RNF135: variants seen among roughly 807,000 people sequenced by gnomAD.
The protein encoded by RNF135 is E3 ubiquitin-protein ligase RNF135.
In RNF135, 46 loss-of-function variants were observed where a neutral mutation model predicts 41.9. The observed-to-expected ratio is 1.10, with a 90% CI of 0.87 to 1.40. RNF135 has a LOEUF of 1.40. RNF135 is among the 40% of genes most tolerant of loss of function. The pLI, the probability that RNF135 is intolerant of heterozygous loss-of-function variation, is 0.00. For synonymous variants in RNF135, 238 were observed against 223.8 expected (o/e 1.06, Z -0.57); for missense variants, 539 against 549.8 (o/e 0.98, Z 0.20).
chr17:30,970,920 G>C, upstream of RNF135: 1 of 1,077,626 alleles, frequency 9.3e-7, no homozygotes, highest in South Asian at 1.5e-5. Flanking sequence ...TTTTCAGCAG[G>C]ATCGGAGGAA....
chr17:30,961,318 CCATT>C, the RNF135 span, among the ~76,000 whole-genome samples: 1 of 152,128 alleles, frequency 6.6e-6, no homozygotes, highest in Non-Finnish European at 1.5e-5. Flanking sequence ...ATCATGCTGA[CCATT>C]CAGTCAACAC....
At chr17:30,992,532 C>T (rs1953316814) in intron 3 of RNF135, among the ~76,000 whole-genome samples, 1 of 152,108 alleles carries the variant, frequency 6.6e-6, no homozygotes, top group Non-Finnish European at 1.5e-5. Flanking sequence ...GTGGTGCGAT[C>T]ATGGCTCACC....
chr17:30,968,375 T>C (rs1406664798), upstream of RNF135, among the ~76,000 whole-genome samples: 6 of 150,708 alleles, frequency 4.0e-5, no homozygotes, highest in Admixed American at 4.0e-4. Flanking sequence ...CCCTTCCCCC[T>C]TTCTTTCTTT....
At chr17:30,966,085 G>A (rs1412635474), upstream of RNF135, among the ~76,000 whole-genome samples, 1 of 152,168 alleles carries the variant, frequency 6.6e-6, no homozygotes, top group Non-Finnish European at 1.5e-5. Flanking sequence ...ACTTAATTTT[G>A]TGGCCTTTCA....
chr17:30,971,634 A>C, intron 1 of RNF135, 189 bp downstream of exon 1: 2 of 1,353,952 alleles, frequency 1.5e-6, no homozygotes, highest in Middle Eastern at 2.8e-4. Flanking sequence ...GTAGAAAAAA[A>C]CAAATTCCCC....
At chr17:30,970,871 C>A, upstream of RNF135, 1 of 725,306 alleles carries the variant, frequency 1.4e-6, no homozygotes, top group Non-Finnish European at 2.2e-6. Context: ...TGAAGGTCAG[C>A]TCTGTCTTTC....
At chr17:30,970,999 G>C, upstream of RNF135, 1 of 1,525,500 alleles carries the variant, frequency 6.6e-7, no homozygotes. Context: ...AAGGGGAAGA[G>C]GAAGGGCGAG....
intron 1 of RNF135, among the ~76,000 whole-genome samples, chr17:30,979,931 G>T (rs1273938879): frequency 8.9e-6 from 1 of 112,788 alleles, no homozygotes; most frequent in African/African-American, 3.6e-5. Flanking sequence ...CAGTAGGGGC[G>T]GCCGGGCAGA....
intron 3 of RNF135, among the ~76,000 whole-genome samples, chr17:30,994,417 A>G (rs1340226358): frequency 2.6e-5 from 4 of 151,566 alleles, no homozygotes; most frequent in Non-Finnish European, 5.9e-5. Flanking sequence ...GGTGGCACAC[A>G]CCTGTAGTCC....
Position 30,971,478 on chromosome 17 carries a change from CCCCCGGGCTG to C in RNF135, c.372+37_372+46del, listed in dbSNP as rs1303074463. On this transcript the variant is annotated intron_variant, in intron 1 of 4. Transcript: ENST00000328381. ...GGCCGGGCCCGCAGCTCCCCTGGCT[CCCCCGGGCTG>C]CCCGCCGCCTGACCCTTTCCCATGT... The C allele has an allele frequency of 9.6e-6, 14 of 1,463,288 alleles. No individual in the cohort carries two copies. The African/African-American group carries it at 1.9e-4, about 20-fold the overall frequency. The allele number at this position is 1,463,288 out of a possible 1,614,324, so 90.6% of individuals were successfully genotyped here. A position where few individuals can be genotyped will look rare whatever the true frequency, so the allele number is the denominator to read the frequency against.
intron 2 of RNF135, among the ~76,000 whole-genome samples, chr17:30,985,293 C>T (rs1341317324): frequency 1.3e-5 from 2 of 152,176 alleles, no homozygotes; most frequent in Admixed American, 1.3e-4. Context: ...CACCTCTATG[C>T]ACAAATAATA....
chr17:30,986,156 G>A, intron 2 of RNF135, among the ~76,000 whole-genome samples: 1 of 151,648 alleles, frequency 6.6e-6, no homozygotes, highest in South Asian at 2.1e-4. Context: ...ATTAATGTCT[G>A]CCCCCCTCCC....
upstream of RNF135, chr17:30,970,707 T>G: frequency 3.4e-6 from 1 of 294,920 alleles, no homozygotes; most frequent in Non-Finnish European, 6.4e-6. Context: ...GTTGCATCTT[T>G]TTTGTTGTTT....
chr17:30,967,980 T>A (rs1905620572), upstream of RNF135, among the ~76,000 whole-genome samples: 1 of 151,988 alleles, frequency 6.6e-6, no homozygotes, highest in Non-Finnish European at 1.5e-5. Context: ...TGACAAAATG[T>A]CTGATGTAGG....
intron 1 of RNF135, chr17:30,972,490 C>G (rs537229873): frequency 6.6e-6 from 1 of 152,238 alleles, no homozygotes; most frequent in African/African-American, 2.4e-5. Flanking sequence ...ACTTCTGTTT[C>G]CAAAACTGTT....
the RNF135 span, among the ~76,000 whole-genome samples, chr17:30,963,744 G>T: frequency 2.6e-5 from 4 of 152,126 alleles, no homozygotes; most frequent in Non-Finnish European, 4.4e-5. Context: ...AGGTATTAAG[G>T]TTAGGGTTCA....
At chr17:30,983,598 C>G (rs1415582619) in intron 1 of RNF135, among the ~76,000 whole-genome samples, 1 of 151,346 alleles carries the variant, frequency 6.6e-6, no homozygotes, top group East Asian at 1.9e-4. Flanking sequence ...AGGTGATCCA[C>G]CCGCCTCGGC....
chr17:30,967,895 G>T (rs1905616742), upstream of RNF135, among the ~76,000 whole-genome samples: 1 of 151,724 alleles, frequency 6.6e-6, no homozygotes, highest in East Asian at 2.0e-4. Flanking sequence ...TCGAACTCCT[G>T]ACCTCATGAT....
At chr17:30,980,203 C>CG (rs1906973829) in intron 1 of RNF135, 3 of 122,156 alleles carry the variant, frequency 2.5e-5, no homozygotes, top group Non-Finnish European at 5.1e-5. Context: ...GCTGGCCGGG[C>CG]GGGGGGCTGA....
Sources: allele counts gnomAD v4.1 joint callset (sites outside exome capture counted in the v4.1 genomes callset), GRCh38; gene constraint gnomAD v4.1.1; transcripts MANE v1.5; gene names NCBI Gene and HGNC (gene_info 2026-07-23, HGNC 2026-07-21).